The following TRDN variants were observed in gnomAD, a reference collection of about 807,000 sequenced individuals.
The protein encoded by TRDN is triadin in skeletal muscle.
Under a neutral mutation model 149.7 loss-of-function variants are expected in TRDN, and 161 were observed. That is an observed-to-expected ratio of 1.08 (90% CI 0.95 to 1.23). The LOEUF (loss-of-function observed/expected upper bound fraction) is 1.23, where lower values mean the gene tolerates loss of function less well. Among genes scored for constraint, TRDN ranks in the 50% most tolerant of loss-of-function variants. The pLI, the probability that TRDN is intolerant of heterozygous loss-of-function variation, is 0.00. For missense variants in TRDN, 896 were observed against 823.5 expected, an observed-to-expected ratio of 1.09 and a Z score of -1.08; for synonymous variants, 294 against 250.5, an observed-to-expected ratio of 1.17 and a Z score of -1.64.
intron 1 of TRDN, among the ~76,000 whole-genome samples, chr6:123,619,444 A>G (rs957019451): frequency 3.2e-4 from 48 of 152,306 alleles, no homozygotes; most frequent in African/African-American, 1.1e-3. Context: ...GCCTGCCTCC[A>G]GGCTGCTTTA....
At position 123,451,174 on chromosome 6, in the gene TRDN, G is replaced by A. The variant is rs147075554; in HGVS notation, c.932-12171C>T. ...AAAAAAGCAAAAATTGACTTCTAAG[G>A]TCACACCTCATAGAACTAGAGAAAC... On this transcript the variant is annotated intron_variant, in intron 10 of 40. Transcript: ENST00000334268. 6.9e-3 allele frequency among the ~76,000 whole-genome samples: 1,047 copies of A among 151,876 alleles called. 52 individuals are homozygous for A. The highest frequency in any genetic ancestry group is 0.061 in the Admixed American group (936 of 15,236).
intron 10 of TRDN, among the ~76,000 whole-genome samples, chr6:123,453,909 G>T (rs1463731377): frequency 6.6e-6 from 1 of 151,902 alleles, no homozygotes; most frequent in Non-Finnish European, 1.5e-5. Flanking sequence ...GTGTGTGTGT[G>T]TGTGTATGTA....
intron 19 of TRDN, 132 bp from the exon 20 acceptor site, chr6:123,366,314 C>A: frequency 5.5e-6 from 4 of 723,048 alleles, no homozygotes; most frequent in South Asian, 2.1e-5. Flanking sequence ...GTAGAGAAAG[C>A]CAAAATACAA....
intron 1 of TRDN, among the ~76,000 whole-genome samples, chr6:123,617,591 T>C (rs1785163276): frequency 6.6e-6 from 1 of 152,204 alleles, no homozygotes; most frequent in African/African-American, 2.4e-5. Context: ...AAGAATAATC[T>C]TGTTCGTCAA....
At chr6:123,491,981 A>T (rs1269836161) in intron 9 of TRDN, among the ~76,000 whole-genome samples, 5 of 152,306 alleles carry the variant, frequency 3.3e-5, no homozygotes, top group Non-Finnish European at 5.9e-5. Context: ...GCGAGATTTA[A>T]CCAAAAATAT....
At chr6:123,326,229 G>C (rs1216138710) in intron 23 of TRDN, among the ~76,000 whole-genome samples, 1 of 151,964 alleles carries the variant, frequency 6.6e-6, no homozygotes, top group African/African-American at 2.4e-5. Context: ...GTTCACAAGT[G>C]TATCTCCAAC....
intron 3 of TRDN, among the ~76,000 whole-genome samples, chr6:123,548,120 A>G (rs1475934811): frequency 6.6e-6 from 1 of 151,782 alleles, no homozygotes; most frequent in Admixed American, 6.6e-5. Context: ...CTTGAAAAAT[A>G]ACTATTTTTT....
intron 38 of TRDN, among the ~76,000 whole-genome samples, chr6:123,234,654 C>T (rs1327760121): frequency 6.6e-6 from 1 of 152,020 alleles, no homozygotes; most frequent in Non-Finnish European, 1.5e-5. Flanking sequence ...AACTATTGGA[C>T]ACTAATACTT....
rs115462149 is a variant in TRDN, at chr6:123,360,588, C to T, written c.1321+5547G>A. Among the ~76,000 whole-genome samples, 644 of 152,180 alleles carry T rather than the reference C, an allele frequency of 4.2e-3. 6 individuals are homozygous for T. The highest frequency in any genetic ancestry group is 0.015 in the African/African-American group (607 of 41,504). ...TCAGCATTGGCTGGAGCTTCAGTGG[C>T]ATGGTAGGGACAGGAGCTTAGTCTT... On this transcript the variant is annotated intron_variant, in intron 20 of 40. Coordinates refer to ENST00000334268, the MANE Select transcript of TRDN (RefSeq NM_006073.4).
intron 40 of TRDN, 49 bp downstream of exon 40, chr6:123,221,438 A>C: frequency 7.4e-7 from 1 of 1,351,450 alleles, no homozygotes; most frequent in Non-Finnish European, 1.0e-6. Flanking sequence ...TAGATGTAGC[A>C]TCTTTAATAC....
chr6:123,584,394 T>G (rs547558552), intron 1 of TRDN, among the ~76,000 whole-genome samples: 3 of 112,744 alleles, frequency 2.7e-5, no homozygotes, highest in Non-Finnish European at 6.2e-5. Flanking sequence ...GGAGACATGA[T>G]GCCTAGGCTA....
intron 28 of TRDN, 37 bp downstream of exon 28, chr6:123,273,300 A>C (rs1033391354): frequency 9.2e-7 from 1 of 1,086,402 alleles, no homozygotes; most frequent in Admixed American, 3.7e-5. Context: ...TTTTTTCGTA[A>C]GAAAGTCTAA....
chr6:123,217,488 A>G lies in TRDN; in HGVS notation c.*1113T>C, dbSNP rs1318807494. ...TGATAAAAACAATGTAGTAAAGAAC[A>G]CGAGTATTTATATTACCAGGAATAT... On this transcript the variant is annotated 3_prime_UTR_variant, in exon 41 of 41. Transcript: ENST00000334268. 1 of 152,014 alleles carries G rather than the reference A, an allele frequency of 6.6e-6. No individual in the cohort carries two copies. The highest frequency in any genetic ancestry group is 1.5e-5 in the Non-Finnish European group (1 of 67,958). 9.4% of individuals were successfully genotyped at this position (152,014 alleles called of 1,614,324 possible).
chr6:123,547,095 G>A (rs1309410100), intron 4 of TRDN, among the ~76,000 whole-genome samples: 1 of 151,918 alleles, frequency 6.6e-6, no homozygotes. Context: ...AGCTCATATT[G>A]GTCTGTGTAT....
chr6:123,410,466 A>T (rs1773386500), intron 12 of TRDN, among the ~76,000 whole-genome samples: 1 of 152,170 alleles, frequency 6.6e-6, no homozygotes, highest in African/African-American at 2.4e-5. Flanking sequence ...ATGAACCAAA[A>T]TGTAATGTTA....
intron 9 of TRDN, among the ~76,000 whole-genome samples, chr6:123,479,343 G>A (rs927951382): frequency 6.6e-6 from 1 of 152,182 alleles, no homozygotes; most frequent in African/African-American, 2.4e-5. Flanking sequence ...TGATTAGTGG[G>A]AAAAAGTGAA....
At chr6:123,509,808 T>C (rs1234983778) in intron 7 of TRDN, 1 of 151,972 alleles carries the variant, frequency 6.6e-6, no homozygotes, top group Non-Finnish European at 1.5e-5. Flanking sequence ...ATTCAACAAA[T>C]TTTTTGAAAA....
chr6:123,274,640 C>T lies in TRDN; in HGVS notation c.1597+1G>A. ...TCTATATAAAATAAAGCTCATGTTACCTGGTTTTGCTTCTTTTTTAATTTG... is the reference window on the plus strand; with the variant it reads ...TCTATATAAAATAAAGCTCATGTTATCTGGTTTTGCTTCTTTTTTAATTTG... On this transcript the variant is annotated splice_donor_variant, in intron 27 of 40. Coordinates refer to ENST00000334268, the MANE Select transcript of TRDN (RefSeq NM_006073.4). LOFTEE classifies it high-confidence loss of function. 1 of 1,607,306 alleles carries T rather than the reference C, an allele frequency of 6.2e-7. No homozygotes were observed. The highest frequency in any genetic ancestry group is 1.1e-5 in the South Asian group (1 of 89,898).
At chr6:123,290,255 T>C (rs1777955804) in intron 24 of TRDN, among the ~76,000 whole-genome samples, 1 of 152,018 alleles carries the variant, frequency 6.6e-6, no homozygotes, top group South Asian at 2.1e-4. Flanking sequence ...GGCAGCTGGG[T>C]CCCAATTTTG....
Sources: gnomAD v4.1 joint callset for allele counts (sites outside exome capture counted in the v4.1 genomes callset) on GRCh38, gnomAD v4.1.1 for gene constraint, MANE v1.5 for transcripts, NCBI Gene and HGNC (gene_info 2026-07-23, HGNC 2026-07-21) for gene names.